The following CAMK2B variants were observed in gnomAD, a reference collection of about 807,000 sequenced individuals.
The protein encoded by CAMK2B is calcium/calmodulin-dependent protein kinase type II subunit beta.
Under a neutral mutation model 93.7 loss-of-function variants are expected in CAMK2B, and 27 were observed. The ratio of observed to expected loss-of-function variants is 0.29; its 90% CI spans 0.21 to 0.40. The LOEUF is 0.40. Among genes scored for constraint, CAMK2B ranks in the 10% least tolerant of loss-of-function variants. The pLI is 1.00. For missense variants in CAMK2B, 568 were observed against 895.8 expected, an observed-to-expected ratio of 0.63 and a Z score of 4.67; for synonymous variants, 374 against 358.8, an observed-to-expected ratio of 1.04 and a Z score of -0.48.
intron 2 of CAMK2B, among the ~76,000 whole-genome samples, chr7:44,281,902 C>A (rs575346028): frequency 2.6e-5 from 4 of 152,204 alleles, no homozygotes; most frequent in Admixed American, 1.3e-4. Flanking sequence ...TCACTCCAGG[C>A]CCCTTGGGAA....
At chr7:44,254,197 C>A (rs750443344) in intron 5 of CAMK2B, among the ~76,000 whole-genome samples, 13 of 152,312 alleles carry the variant, frequency 8.5e-5, no homozygotes, top group African/African-American at 2.9e-4. Flanking sequence ...CCCTCTTCAT[C>A]CCCCCGGGGA....
At chr7:44,296,403 A>T (rs1289831067) in intron 1 of CAMK2B, among the ~76,000 whole-genome samples, 1 of 152,220 alleles carries the variant, frequency 6.6e-6, no homozygotes, top group African/African-American at 2.4e-5. Flanking sequence ...CAAAGACAAA[A>T]AAGAATGAAA....
At chr7:44,251,337 G>A (rs769107213) in intron 5 of CAMK2B, among the ~76,000 whole-genome samples, 3 of 151,836 alleles carry the variant, frequency 2.0e-5, no homozygotes, top group African/African-American at 7.3e-5. Context: ...AGGGGCCCAC[G>A]GGTGCCTCTG....
chr7:44,239,650 G>C lies in CAMK2B; in HGVS notation c.960C>G (p.Thr320=). 6.5e-7 allele frequency: 1 copy of C among 1,550,354 alleles called. No individual in the cohort carries two copies. The highest frequency in any genetic ancestry group is 8.7e-7 in the Non-Finnish European group (1 of 1,146,840). The part of the protein sequence containing the change: ...ATRNFSVGRQ[T]TAPATMSTAA... ...CGGTGGACATTGTGGCCGGAGCGGT[G>C]GTCTGTCTGCCCACTGTTAGCACCG... The change falls in exon 13 of 24, where the codon ACC becomes ACG. Residue 320 remains threonine (T), a synonymous_variant. Coordinates refer to ENST00000395749, the MANE Select transcript of CAMK2B (RefSeq NM_001220.5).
chr7:44,273,387 A>G (rs1040719790), intron 2 of CAMK2B, among the ~76,000 whole-genome samples: 1 of 152,190 alleles, frequency 6.6e-6, no homozygotes, highest in Non-Finnish European at 1.5e-5. Context: ...TAACCCCAGG[A>G]CAGGACTCCC....
rs114309463 is a variant in CAMK2B, at chr7:44,236,625, T to C, written c.1022-1949A>G. 4.6e-3 allele frequency among the ~76,000 whole-genome samples: 697 copies of C among 152,302 alleles called. 6 individuals are homozygous for C. Among genetic ancestry groups the C allele is most frequent in the African/African-American group, 0.016 (672 of 41,564 alleles). ...TCGCTGCAGCTCAAATCTGCTTCCC[T>C]GTGGCTCAAATCTGCTTCCCTGTAA... is the stretch of plus-strand genomic sequence containing the variant. On this transcript the variant is annotated intron_variant, in intron 13 of 23. Coordinates refer to ENST00000395749, the MANE Select transcript of CAMK2B (RefSeq NM_001220.5).
intron 1 of CAMK2B, among the ~76,000 whole-genome samples, chr7:44,301,634 G>T (rs376148901): frequency 6.6e-6 from 1 of 152,006 alleles, no homozygotes; most frequent in African/African-American, 2.4e-5. Context: ...AAATCTAGCC[G>T]GGCATGGTGG....
intron 19 of CAMK2B, 51 bp from the exon 20 acceptor site, chr7:44,226,695 C>A: frequency 6.8e-7 from 1 of 1,464,768 alleles, no homozygotes; most frequent in Middle Eastern, 2.2e-4. Context: ...GGGGGGCACG[C>A]AGGAGAGAAA....
intron 3 of CAMK2B, among the ~76,000 whole-genome samples, chr7:44,260,406 C>T (rs1384632403): frequency 1.3e-5 from 2 of 152,102 alleles, no homozygotes; most frequent in African/African-American, 2.4e-5. Context: ...TCCTTAGCTC[C>T]TAAACCTCAG....
intron 1 of CAMK2B, among the ~76,000 whole-genome samples, chr7:44,292,638 T>G (rs1787176772): frequency 6.6e-6 from 1 of 152,242 alleles, no homozygotes; most frequent in Admixed American, 6.5e-5. Flanking sequence ...TGGGATCATC[T>G]GTACTGTGAA....
In CAMK2B at chr7:44,312,278, C is replaced by G. The variant is rs76666139; in HGVS notation, c.65+13079G>C. Among the ~76,000 whole-genome samples the G allele has an allele frequency of 0.11, 16,953 of 152,094 alleles. 1,294 individuals are homozygous for G. Among genetic ancestry groups the G allele is most frequent in the Non-Finnish European group, 0.16 (10,897 of 67,990 alleles). On this transcript the variant is annotated intron_variant, in intron 1 of 23. Coordinates refer to ENST00000395749, the MANE Select transcript of CAMK2B (RefSeq NM_001220.5). The surrounding 1 kb of genome is among the most constrained non-coding windows in gnomAD (Gnocchi z 4.1). ...CCCACACTGGGGGAAATAGTTCAGC[C>G]AGGTGTCAGTGGCGAGAGGGTGGTG...
chr7:44,303,612 C>T (rs780445733), intron 1 of CAMK2B, among the ~76,000 whole-genome samples: 3 of 152,130 alleles, frequency 2.0e-5, no homozygotes, highest in Non-Finnish European at 4.4e-5. Flanking sequence ...TAAAATGGGT[C>T]ATAGACCTAA....
intron 13 of CAMK2B, among the ~76,000 whole-genome samples, chr7:44,236,232 C>T (rs2096624886): frequency 6.6e-6 from 1 of 152,246 alleles, no homozygotes; most frequent in Non-Finnish European, 1.5e-5. Flanking sequence ...CCCAGTGCTG[C>T]CTCCTCCATG....
At chr7:44,262,222 G>T (rs1722922884) in intron 3 of CAMK2B, among the ~76,000 whole-genome samples, 1 of 152,222 alleles carries the variant, frequency 6.6e-6, no homozygotes, top group Non-Finnish European at 1.5e-5. Context: ...GCATGCCTGG[G>T]CTCCTCCTGG....
chr7:44,225,558 AG>A lies in CAMK2B; in HGVS notation c.1597+957del, dbSNP rs2096465100. 6.6e-6 allele frequency among the ~76,000 whole-genome samples: 1 copy of A among 152,016 alleles called. No individual in the cohort carries two copies. The highest frequency in any genetic ancestry group is 1.5e-5 in the Non-Finnish European group (1 of 67,960). ...AAGCTCTGGGGGTGAGTACCCCTCC[AG>A]GGGCTGCCCCCTGCTCTCTCGGGCA... On this transcript the variant is annotated intron_variant, in intron 20 of 23. Coordinates refer to ENST00000395749, the MANE Select transcript of CAMK2B (RefSeq NM_001220.5). The surrounding 1 kb of genome is among the most constrained non-coding windows in gnomAD (Gnocchi z 5.0).
intron 1 of CAMK2B, among the ~76,000 whole-genome samples, chr7:44,291,635 C>G (rs971761508): frequency 2.0e-5 from 3 of 152,236 alleles, no homozygotes; most frequent in Non-Finnish European, 4.4e-5. Context: ...ACGAACCCCA[C>G]ATTTTGACTG....
At position 44,254,057 on chromosome 7, in the gene CAMK2B, GC is replaced by G. The variant is rs2096808222; in HGVS notation, c.341+484del. 2.6e-5 allele frequency among the ~76,000 whole-genome samples: 4 copies of G among 152,260 alleles called. No individual in the cohort carries two copies. The East Asian group carries it at 7.7e-4, about 29-fold the overall frequency. On this transcript the variant is annotated intron_variant, in intron 5 of 23. Transcript: ENST00000395749. ...GGTGTCAGGGTGGCATCTGGCCTGGGCCACAGCAGGCTACCAGTGGCCTATG... is the reference window on the plus strand; with the variant it reads ...GGTGTCAGGGTGGCATCTGGCCTGGGCACAGCAGGCTACCAGTGGCCTATG...
At chr7:44,259,194 G>T (rs1269494568) in intron 3 of CAMK2B, among the ~76,000 whole-genome samples, 3 of 152,236 alleles carry the variant, frequency 2.0e-5, no homozygotes, top group Non-Finnish European at 4.4e-5. Flanking sequence ...ACCCTCCGCT[G>T]CCAGTCTGGT....
chr7:44,296,413 A>C (rs1355353871), intron 1 of CAMK2B, among the ~76,000 whole-genome samples: 1 of 152,226 alleles, frequency 6.6e-6, no homozygotes, highest in Non-Finnish European at 1.5e-5. Context: ...AAAGAATGAA[A>C]AAGACAAAAC....
Sources: gnomAD v4.1 joint callset for allele counts (sites outside exome capture counted in the v4.1 genomes callset) on GRCh38, gnomAD v4.1.1 for gene constraint, Gnocchi (gnomAD v3.1) non-coding constraint, MANE v1.5 for transcripts, NCBI Gene and HGNC (gene_info 2026-07-23, HGNC 2026-07-21) for gene names.